DLC1: variants seen among roughly 807,000 people sequenced by gnomAD.
The protein encoded by DLC1 is rho GTPase-activating protein 7.
A neutral mutation model predicts 140.3 loss-of-function variants in DLC1; 54 were observed. The observed-to-expected ratio is 0.38, with a 90% CI of 0.31 to 0.48. The LOEUF (loss-of-function observed/expected upper bound fraction) is 0.48. Among genes scored for constraint, DLC1 ranks in the 20% least tolerant of loss-of-function variants. The pLI, the probability that DLC1 is intolerant of heterozygous loss-of-function variation, is 0.96. For synonymous variants in DLC1, 986 were observed against 728.1 expected, an observed-to-expected ratio of 1.35 and a Z score of -5.70; for missense variants, 2,536 against 1,907.0, an observed-to-expected ratio of 1.33 and a Z score of -6.14.
chr8:13,555,334 T>G (rs1280484182), intron 1 of DLC1, among the ~76,000 whole-genome samples: 1 of 152,160 alleles, frequency 6.6e-6, no homozygotes, highest in African/African-American at 2.4e-5. Flanking sequence ...GTATGTTTTT[T>G]TTTTAATAAG....
chr8:13,262,834 C>G (rs1249366390), intron 5 of DLC1, among the ~76,000 whole-genome samples: 1 of 152,164 alleles, frequency 6.6e-6, no homozygotes, highest in Non-Finnish European at 1.5e-5. Context: ...AATGCAAGTA[C>G]AGAGGTCATC....
chr8:13,314,638 A>G (rs1370626863), intron 4 of DLC1, among the ~76,000 whole-genome samples: 1 of 152,210 alleles, frequency 6.6e-6, no homozygotes, highest in Non-Finnish European at 1.5e-5. Context: ...TGATATTCTC[A>G]CCATTTCATA....
At chr8:13,229,910 T>C (rs529707462) in intron 5 of DLC1, among the ~76,000 whole-genome samples, 1 of 152,352 alleles carries the variant, frequency 6.6e-6, no homozygotes, top group East Asian at 1.9e-4. Context: ...TTTAGTCCCA[T>C]GTGGACCAAA....
chr8:13,251,930 C>A (rs904062194), intron 5 of DLC1, among the ~76,000 whole-genome samples: 1 of 152,054 alleles, frequency 6.6e-6, no homozygotes, highest in Non-Finnish European at 1.5e-5. Flanking sequence ...TAATAATATA[C>A]ATTTTTATAA....
At chr8:13,585,669 A>T (rs1563458373) in intron 1 of DLC1, among the ~76,000 whole-genome samples, 1 of 152,116 alleles carries the variant, frequency 6.6e-6, no homozygotes, top group Admixed American at 6.5e-5. Flanking sequence ...AATCTGTTCC[A>T]TGCCTCTCTT....
intron 5 of DLC1, among the ~76,000 whole-genome samples, chr8:13,121,042 T>C (rs1268512019): frequency 2.0e-5 from 3 of 152,194 alleles, no homozygotes; most frequent in Admixed American, 6.5e-5. Context: ...TCTTCTGTGA[T>C]AATATGCCAC....
chr8:13,105,335 T>C (rs937926084), intron 7 of DLC1, among the ~76,000 whole-genome samples: 24 of 152,154 alleles, frequency 1.6e-4, no homozygotes, highest in African/African-American at 5.3e-4. Context: ...CCTTATTTCC[T>C]TACAGAGACA....
At chr8:13,219,034 G>A (rs1412231317) in intron 5 of DLC1, among the ~76,000 whole-genome samples, 1,059 of 29,786 alleles carry the variant, frequency 0.036, 321 homozygotes, top group African/African-American at 0.18. Context: ...ATATAATTAT[G>A]TGAATATAAT....
At chr8:13,483,026 G>A (rs1165484884) in intron 2 of DLC1, among the ~76,000 whole-genome samples, 3 of 152,202 alleles carry the variant, frequency 2.0e-5, no homozygotes, top group Admixed American at 1.3e-4. Context: ...AGAAGTCAAA[G>A]TAGGTTGGCA....
chr8:13,300,425 G>A (rs1033422981), intron 5 of DLC1, among the ~76,000 whole-genome samples: 5 of 152,072 alleles, frequency 3.3e-5, no homozygotes, highest in Admixed American at 6.6e-5. Flanking sequence ...CACATGTATC[G>A]CAGAACATCA....
chr8:13,288,805 G>A (rs1442241427), intron 5 of DLC1, among the ~76,000 whole-genome samples: 2 of 152,196 alleles, frequency 1.3e-5, no homozygotes, highest in South Asian at 4.1e-4. Context: ...AAGTGGGTAG[G>A]GAAGAGACTT....
intron 4 of DLC1, 125 bp from the exon 5 acceptor site, chr8:13,305,427 G>A (rs554323322): frequency 3.1e-5 from 30 of 966,996 alleles, no homozygotes; most frequent in Middle Eastern, 6.4e-4. Flanking sequence ...AGAAAAATTA[G>A]CATTTTGGAA....
intron 1 of DLC1, among the ~76,000 whole-genome samples, chr8:13,595,180 G>C (rs2117483821): frequency 6.6e-6 from 1 of 151,996 alleles, no homozygotes; most frequent in African/African-American, 2.4e-5. Flanking sequence ...TGGCACCAAT[G>C]GCCCTCACTC....
At chr8:13,176,297 G>T (rs1160044507) in intron 5 of DLC1, among the ~76,000 whole-genome samples, 1 of 152,132 alleles carries the variant, frequency 6.6e-6, no homozygotes, top group Non-Finnish European at 1.5e-5. Flanking sequence ...ACTCTCTTTT[G>T]TCCGGGTGTG....
At chr8:13,197,746 G>A (rs1375777848) in intron 5 of DLC1, among the ~76,000 whole-genome samples, 1 of 152,032 alleles carries the variant, frequency 6.6e-6, no homozygotes, top group Non-Finnish European at 1.5e-5. Context: ...AACAAAAAAA[G>A]AAGGATTTGG....
At chr8:13,442,522 AC>A (rs772277473) in intron 2 of DLC1, among the ~76,000 whole-genome samples, 15 of 152,292 alleles carry the variant, frequency 9.8e-5, no homozygotes, top group Non-Finnish European at 1.8e-4. Flanking sequence ...AAATCAAACA[AC>A]CCCATCAAAA....
intron 4 of DLC1, among the ~76,000 whole-genome samples, chr8:13,358,194 T>A (rs1295179795): frequency 3.3e-5 from 5 of 152,230 alleles, no homozygotes; most frequent in Non-Finnish European, 7.3e-5. Flanking sequence ...TCTTACTTAA[T>A]TAACTAAAAC....
chr8:13,341,106 C>T (rs1301360059), intron 4 of DLC1: 2 of 152,174 alleles, frequency 1.3e-5, no homozygotes, highest in Non-Finnish European at 2.9e-5. Context: ...GATCAGTTTT[C>T]AGCAAAAGTA....
In DLC1 at chr8:13,372,516, G is replaced by A. The variant is rs1043552939; in HGVS notation, c.1314+21037C>T. Among the ~76,000 whole-genome samples, 15 of 152,272 alleles carry A rather than the reference G, an allele frequency of 9.9e-5. No homozygotes were observed. In the East Asian group the frequency reaches 2.3e-3, roughly 24 times the overall value. On this transcript the variant is annotated intron_variant, in intron 4 of 17. Transcript: ENST00000276297. ...AGTTCTTCAGAGACGCCAACACAGT[G>A]CAGAAATCCTTCCTTTAAGTGTTTG...
Sources: gnomAD v4.1 joint callset for allele counts (sites outside exome capture counted in the v4.1 genomes callset) on GRCh38, gnomAD v4.1.1 for gene constraint, MANE v1.5 for transcripts, NCBI Gene and HGNC (gene_info 2026-07-23, HGNC 2026-07-21) for gene names.